Variants in ERBB4 observed in about 807,000 individuals in gnomAD.
ERBB4 encodes erb-b2 receptor tyrosine kinase 4.
ERBB4 carries 42 observed loss-of-function variants against 158.0 expected under a neutral mutation model. That is an observed-to-expected ratio of 0.27 (90% confidence interval 0.21 to 0.34). The LOEUF is 0.34. Among genes scored for constraint, ERBB4 ranks in the 10% least tolerant of loss-of-function variants. The probability of loss-of-function intolerance (pLI) is 1.00; values close to 1 mark genes in which losing one functional copy is unlikely to be tolerated. For missense variants in ERBB4, 1,333 were observed against 1,624.1 expected (o/e 0.82, Z 3.08); for synonymous variants, 583 against 558.7 (o/e 1.04, Z -0.61).
At chr2:212,232,261 T>C (rs2083692325) in intron 1 of ERBB4, among the ~76,000 whole-genome samples, 1 of 152,220 alleles carries the variant, frequency 6.6e-6, no homozygotes, top group African/African-American at 2.4e-5. Context: ...TTAAATATTC[T>C]AACCTTAATG....
chr2:212,035,123 C>G (rs1406366599), intron 2 of ERBB4, among the ~76,000 whole-genome samples: 3 of 152,148 alleles, frequency 2.0e-5, no homozygotes, highest in African/African-American at 4.8e-5. Context: ...TTGAGAAACA[C>G]TATTAAAAGA....
intron 20 of ERBB4, among the ~76,000 whole-genome samples, chr2:211,444,149 T>TAACAAACA (rs10638399): frequency 5.3e-5 from 8 of 151,518 alleles, no homozygotes; most frequent in Non-Finnish European, 8.8e-5. Context: ...ATTATCTGTA[T>TAACAAACA]AACATTTCAC....
chr2:212,538,302 G>C, intron 1 of ERBB4, 147 bp downstream of exon 1: 1 of 745,862 alleles, frequency 1.3e-6, no homozygotes, highest in South Asian at 1.4e-5. Flanking sequence ...CAAATGGAAA[G>C]AGGGGTGACC....
chr2:211,768,113 G>A (rs1435557014), intron 4 of ERBB4, among the ~76,000 whole-genome samples: 1 of 152,134 alleles, frequency 6.6e-6, no homozygotes, highest in South Asian at 2.1e-4. Context: ...GGGGCTCCAG[G>A]TGCCATTCAA....
intron 3 of ERBB4, among the ~76,000 whole-genome samples, chr2:211,844,737 C>T (rs1575234728): frequency 1.3e-5 from 2 of 152,282 alleles, no homozygotes; most frequent in African/African-American, 4.8e-5. Flanking sequence ...ATGGATGATA[C>T]ATGACTATAG....
At chr2:212,283,543 T>A (rs1051967212) in intron 1 of ERBB4, among the ~76,000 whole-genome samples, 3 of 151,992 alleles carry the variant, frequency 2.0e-5, no homozygotes, top group African/African-American at 7.2e-5. Context: ...TATCACCCCT[T>A]AGAGTTTGTT....
At chr2:212,415,818 T>A (rs1303229940) in intron 1 of ERBB4, among the ~76,000 whole-genome samples, 1 of 152,044 alleles carries the variant, frequency 6.6e-6, no homozygotes, top group Non-Finnish European at 1.5e-5. Context: ...GTGCTAGTTT[T>A]CTGTGTTGAT....
At chr2:211,433,452 G>A (rs990654088) in intron 20 of ERBB4, among the ~76,000 whole-genome samples, 1 of 151,908 alleles carries the variant, frequency 6.6e-6, no homozygotes, top group Non-Finnish European at 1.5e-5. Flanking sequence ...GTGATGGTGG[G>A]CGCCTGTAGT....
At chr2:212,479,426 A>G (rs1689572969) in intron 1 of ERBB4, among the ~76,000 whole-genome samples, 2 of 152,232 alleles carry the variant, frequency 1.3e-5, no homozygotes, top group South Asian at 4.1e-4. Flanking sequence ...TTGTACCCCC[A>G]AGAGGACTTC....
At chr2:211,939,819 C>T (rs533986297) in intron 3 of ERBB4, among the ~76,000 whole-genome samples, 3 of 151,732 alleles carry the variant, frequency 2.0e-5, no homozygotes, top group South Asian at 2.1e-4. Context: ...TGGTGGGGGG[C>T]GCCTGTAGTC....
chr2:212,171,277 C>T (rs1047989177), intron 1 of ERBB4, among the ~76,000 whole-genome samples: 10 of 151,860 alleles, frequency 6.6e-5, no homozygotes, highest in Admixed American at 3.9e-4. Flanking sequence ...AATGGGAACA[C>T]TTATCCAATG....
chr2:211,909,636 C>T (rs999904988), intron 3 of ERBB4, among the ~76,000 whole-genome samples: 3 of 151,736 alleles, frequency 2.0e-5, no homozygotes, highest in African/African-American at 7.2e-5. Flanking sequence ...CTGTATAAGG[C>T]ACTTACCACG....
At chr2:211,856,768 C>A (rs1164843005) in intron 3 of ERBB4, among the ~76,000 whole-genome samples, 1 of 152,068 alleles carries the variant, frequency 6.6e-6, no homozygotes, top group Non-Finnish European at 1.5e-5. Flanking sequence ...TGGCTTATCT[C>A]ATTTCTTCCA....
At chr2:211,747,508 G>A (rs1047961622) in intron 5 of ERBB4, among the ~76,000 whole-genome samples, 2 of 152,046 alleles carry the variant, frequency 1.3e-5, no homozygotes, top group African/African-American at 4.8e-5. Context: ...GGTATTTTTC[G>A]GAGAAGGCCA....
intron 1 of ERBB4, among the ~76,000 whole-genome samples, chr2:212,522,561 G>A (rs771900222): frequency 6.6e-5 from 10 of 152,046 alleles, no homozygotes; most frequent in South Asian, 6.2e-4. Flanking sequence ...AATAATCTAC[G>A]CAGAGGTAAG....
At chr2:211,575,373 CT>C (rs1237779602) in intron 19 of ERBB4, among the ~76,000 whole-genome samples, 1 of 152,178 alleles carries the variant, frequency 6.6e-6, no homozygotes, top group East Asian at 1.9e-4. Flanking sequence ...GCTAAATAGT[CT>C]TTTCAGGAGG....
chr2:212,083,544 T>C (rs1433998675), intron 2 of ERBB4, among the ~76,000 whole-genome samples: 3 of 151,696 alleles, frequency 2.0e-5, no homozygotes, highest in Non-Finnish European at 4.4e-5. Context: ...CAAGAGAATG[T>C]GGGCTGGAAC....
intron 1 of ERBB4, among the ~76,000 whole-genome samples, chr2:212,368,602 T>C (rs185954580): frequency 1.3e-3 from 192 of 152,228 alleles, no homozygotes; most frequent in Non-Finnish European, 1.9e-3. Context: ...ATGGTGTCCA[T>C]CAATATTAGC....
intron 5 of ERBB4, among the ~76,000 whole-genome samples, chr2:211,742,129 G>A (rs898618629): frequency 3.9e-5 from 6 of 152,142 alleles, no homozygotes; most frequent in Non-Finnish European, 8.8e-5. Flanking sequence ...ACAAAGACTC[G>A]CTGTTATCCT....
Sources: gnomAD v4.1 joint callset for allele counts (sites outside exome capture counted in the v4.1 genomes callset) on GRCh38, gnomAD v4.1.1 for gene constraint, MANE v1.5 for transcripts, NCBI Gene and HGNC (gene_info 2026-07-23, HGNC 2026-07-21) for gene names.